DOT1L: variants seen among roughly 807,000 people sequenced by gnomAD.
The protein encoded by DOT1L is DOT1 like histone lysine methyltransferase.
Under a neutral mutation model 153.3 loss-of-function variants are expected in DOT1L, and 33 were observed. The observed-to-expected ratio is 0.22, with a 90% CI of 0.16 to 0.29. The LOEUF is 0.29. Among genes scored for constraint, DOT1L ranks in the 10% least tolerant of loss-of-function variants. The pLI is 1.00. For synonymous variants in DOT1L, 1,135 were observed against 965.1 expected, an observed-to-expected ratio of 1.18 and a Z score of -3.26; for missense variants, 1,847 against 2,119.9, an observed-to-expected ratio of 0.87 and a Z score of 2.53.
intron 1 of DOT1L, among the ~76,000 whole-genome samples, chr19:2,175,192 G>C (rs1290619998): frequency 6.6e-6 from 1 of 151,970 alleles, no homozygotes; most frequent in African/African-American, 2.4e-5. Context: ...TAGAGACAGG[G>C]TTTCACTGTG....
chr19:2,193,068 G>A lies in DOT1L; in HGVS notation c.494-621G>A, dbSNP rs1179432581. 5.9e-5 allele frequency among the ~76,000 whole-genome samples: 9 copies of A among 152,180 alleles called. No homozygotes were observed. The highest frequency in any genetic ancestry group is 2.1e-4 in the South Asian group (1 of 4,832). ...AGGTGGCTTGACACCCCCGGTGTGC[G>A]CCGCTGCCTCCACCCTCCTGACGCT... On this transcript the variant is annotated intron_variant, in intron 5 of 27. Coordinates refer to ENST00000398665, the MANE Select transcript of DOT1L (RefSeq NM_032482.3). This position sits in a 1 kb window ranked among gnomAD's most constrained non-coding sequence, Gnocchi z 5.9.
At position 2,164,249 on chromosome 19, in the gene DOT1L, G is replaced by A; in HGVS notation, c.65G>A (p.Trp22Ter). The change falls in exon 1 of 28, where the codon TGG (tryptophan) becomes TAG (stop). Residue 22 changes from tryptophan (W) to a stop codon, truncating the protein, a stop_gained. Coordinates refer to ENST00000398665, the MANE Select transcript of DOT1L (RefSeq NM_032482.3). LOFTEE classifies it high-confidence loss of function. ...PVGAEPAVYP[W>*]PLPVYDKHHD... ...GGGGCTGAGCCCGCCGTCTACCCGTGGCCGCTGCCGGTCTACGTGAGTGCC... is the reference window on the plus strand; with the variant it reads ...GGGGCTGAGCCCGCCGTCTACCCGTAGCCGCTGCCGGTCTACGTGAGTGCC... 7.8e-7 allele frequency: 1 copy of A among 1,282,764 alleles called. No homozygotes were observed. The allele number at this position is 1,282,764 out of a possible 1,614,324, so 79.5% of individuals were successfully genotyped here.
In DOT1L at chr19:2,217,356, G is replaced by A. The variant is rs1230068801; in HGVS notation, c.2544+266G>A. 6.6e-6 allele frequency among the ~76,000 whole-genome samples: 1 copy of A among 152,176 alleles called. No individual in the cohort carries two copies. The highest frequency in any genetic ancestry group is 1.5e-5 in the Non-Finnish European group (1 of 68,028). On this transcript the variant is annotated intron_variant, in intron 21 of 27. Transcript: ENST00000398665. This position sits in a 1 kb window ranked among gnomAD's most constrained non-coding sequence, Gnocchi z 7.3. ...TCTCAGTGACGGACGGCAAGTGCTG[G>A]TAGAGACACAGAGCCCAGTTTGGGA...
intron 19 of DOT1L, 156 bp from the exon 20 acceptor site, chr19:2,216,125 C>T (rs540951707): frequency 2.8e-4 from 319 of 1,146,278 alleles, no homozygotes; most frequent in Non-Finnish European, 3.4e-4. Flanking sequence ...CCCAGCTTCC[C>T]GACCCCGCCT....
In DOT1L at chr19:2,220,497, C is replaced by G. The variant is rs1233782267; in HGVS notation, c.2806+275C>G. ...TATTAATTCAGCCCGTGAGGTCGGCCCCAGTGCTCTCGGGGGCTCCTGTAC... is the reference window on the plus strand; with the variant it reads ...TATTAATTCAGCCCGTGAGGTCGGCGCCAGTGCTCTCGGGGGCTCCTGTAC... On this transcript the variant is annotated intron_variant, in intron 23 of 27. Transcript: ENST00000398665. This position sits in a 1 kb window ranked among gnomAD's most constrained non-coding sequence, Gnocchi z 4.5. The G allele has an allele frequency of 1.8e-6, 1 of 562,600 alleles. No homozygotes were observed. Among genetic ancestry groups the G allele is most frequent in the East Asian group, 4.0e-5 (1 of 24,958 alleles). 34.9% of individuals were successfully genotyped at this position (562,600 alleles called of 1,614,324 possible). A position where few individuals can be genotyped will look rare whatever the true frequency, so the allele number is the denominator to read the frequency against.
At chr19:2,198,064 G>A (rs547760289) in intron 7 of DOT1L, among the ~76,000 whole-genome samples, 1 of 152,354 alleles carries the variant, frequency 6.6e-6, no homozygotes, top group Admixed American at 6.5e-5. Context: ...CCAGAGGGAA[G>A]CAGGGTTGCA....
intron 26 of DOT1L, 48 bp from the exon 27 acceptor site, chr19:2,226,135 C>T: frequency 6.7e-7 from 1 of 1,484,328 alleles, no homozygotes; most frequent in Non-Finnish European, 8.9e-7. Context: ...CATGGGTAGC[C>T]CGGGCAGGTG....
At position 2,176,594 on chromosome 19, in the gene DOT1L, G is replaced by GT. The variant is rs1490770657; in HGVS notation, c.82-4117dup. 2.0e-5 allele frequency among the ~76,000 whole-genome samples: 3 copies of GT among 152,342 alleles called. No individual in the cohort carries two copies. In the East Asian group the frequency reaches 5.8e-4, roughly 29 times the overall value. ...CATCTGGCTCCCAGGAACATTCTCT[G>GT]TTCCAGTAAGGCCTGCGCCTGTGAG... On this transcript the variant is annotated intron_variant, in intron 1 of 27. Transcript: ENST00000398665.
chr19:2,183,621 G>A (rs538914333), intron 2 of DOT1L, among the ~76,000 whole-genome samples: 1 of 149,350 alleles, frequency 6.7e-6, no homozygotes, highest in South Asian at 2.2e-4. Context: ...AGGTATTCCT[G>A]CTTCAGTGCT....
At chr19:2,182,573 CG>C (rs1440122818) in intron 2 of DOT1L, among the ~76,000 whole-genome samples, 30 of 152,004 alleles carry the variant, frequency 2.0e-4, no homozygotes, top group Non-Finnish European at 2.9e-5. Flanking sequence ...TGTGGCTTCC[CG>C]GGGCTGTGAC....
chr19:2,174,927 A>G (rs999176598), intron 1 of DOT1L, among the ~76,000 whole-genome samples: 2 of 148,622 alleles, frequency 1.3e-5, no homozygotes, highest in African/African-American at 5.0e-5. Flanking sequence ...ATAAGCCATT[A>G]TGTCTGATCT....
At position 2,190,929 on chromosome 19, in the gene DOT1L, CT is replaced by C; in HGVS notation, c.265-82del. 1 of 1,359,448 alleles carries C rather than the reference CT, an allele frequency of 7.4e-7. No homozygotes were observed. Among genetic ancestry groups the C allele is most frequent in the Non-Finnish European group, 1.0e-6 (1 of 999,990 alleles). 84.2% of individuals were successfully genotyped at this position (1,359,448 alleles called of 1,614,324 possible). ...CCATGCAGCCGACTCCCTGCTTCCG[CT>C]GGGAAAGGTCCCGGGTCTTGGTGGT... is the stretch of plus-strand genomic sequence containing the variant. On this transcript the variant is annotated intron_variant, in intron 4 of 27. Coordinates refer to ENST00000398665, the MANE Select transcript of DOT1L (RefSeq NM_032482.3). This position sits in a 1 kb window ranked among gnomAD's most constrained non-coding sequence, Gnocchi z 4.8.
intron 19 of DOT1L, 160 bp downstream of exon 19, chr19:2,214,756 G>A (rs961120022): frequency 1.6e-5 from 18 of 1,124,382 alleles, no homozygotes; most frequent in African/African-American, 4.7e-5. Context: ...GTCTTGGGCC[G>A]CAGGCTGCCC....
chr19:2,181,395 G>A (rs971111659), intron 2 of DOT1L, among the ~76,000 whole-genome samples: 6 of 152,206 alleles, frequency 3.9e-5, no homozygotes, highest in Admixed American at 6.5e-5. Context: ...GACACCGCCC[G>A]TGCCCATGCC....
In DOT1L at chr19:2,226,903, A is replaced by G. The variant is rs1191316755; in HGVS notation, c.4382A>G (p.His1461Arg). 2 of 1,578,942 alleles carry G rather than the reference A, an allele frequency of 1.3e-6. No homozygotes were observed. Among genetic ancestry groups the G allele is most frequent in the Non-Finnish European group, 1.7e-6 (2 of 1,171,314 alleles). The change falls in exon 27 of 28, where the codon CAC becomes CGC. Residue 1461 changes from histidine to arginine, a missense_variant. Around this residue, in one of 8 missense-constraint regions of DOT1L, gnomAD observed 934 missense variants for 825.3 expected, o/e 1.13. Transcript: ENST00000398665. ...AGGAASSAQT[H>R]RSFLGPFPPG... ...GGCGCGGCGTCCTCCGCCCAGACGC[A>G]CCGGTCCTTCCTGGGCCCCTTCCCG...
rs1196842953 is a variant in DOT1L at position 2,191,728 on chromosome 19, T to G, written c.493+488T>G. ...CTCCCGGAGGCCCTCGCGCCCTCCC[T>G]GCATCCCCAGTCTCCCTCGGCACCC... On this transcript the variant is annotated intron_variant, in intron 5 of 27. Coordinates refer to ENST00000398665, the MANE Select transcript of DOT1L (RefSeq NM_032482.3). The surrounding 1 kb of genome is among the most constrained non-coding windows in gnomAD (Gnocchi z 6.8). Among the ~76,000 whole-genome samples, 2 of 151,864 alleles carry G rather than the reference T, an allele frequency of 1.3e-5. No homozygotes were observed. Among genetic ancestry groups the G allele is most frequent in the Non-Finnish European group, 2.9e-5 (2 of 67,938 alleles).
intron 23 of DOT1L, 154 bp from the exon 24 acceptor site, chr19:2,221,822 C>T (rs1180400183): frequency 1.3e-6 from 1 of 772,088 alleles, no homozygotes; most frequent in Non-Finnish European, 2.0e-6. Context: ...CTTCTGGTTC[C>T]ACCCCAGAGG....
In DOT1L at chr19:2,208,304, T is replaced by G. The variant is rs2023581758; in HGVS notation, c.963+624T>G. ...CTTTGGTTGGGCACTCTGTTCCTGT[T>G]GTTGGGGTAGCGGTGGTTTTCCTTA... On this transcript the variant is annotated intron_variant, in intron 11 of 27. Coordinates refer to ENST00000398665, the MANE Select transcript of DOT1L (RefSeq NM_032482.3). This position sits in a 1 kb window ranked among gnomAD's most constrained non-coding sequence, Gnocchi z 4.4. Among the ~76,000 whole-genome samples the G allele has an allele frequency of 6.6e-6, 1 of 152,132 alleles. No homozygotes were observed. Among genetic ancestry groups the G allele is most frequent in the Non-Finnish European group, 1.5e-5 (1 of 68,018 alleles).
intron 1 of DOT1L, among the ~76,000 whole-genome samples, chr19:2,171,500 G>A (rs1465967331): frequency 6.6e-6 from 1 of 152,176 alleles, no homozygotes; most frequent in Non-Finnish European, 1.5e-5. Flanking sequence ...CGGGGTGGGG[G>A]AAGCCCAAGG....
Sources: allele counts gnomAD v4.1 joint callset (sites outside exome capture counted in the v4.1 genomes callset), GRCh38; gene constraint gnomAD v4.1.1; regional missense constraint gnomAD v4.1.1; non-coding constraint Gnocchi (gnomAD v3.1); transcripts MANE v1.5; gene names NCBI Gene and HGNC (gene_info 2026-07-23, HGNC 2026-07-21).